Variants in TENM3 observed in about 807,000 individuals in gnomAD.
The protein encoded by TENM3 is teneurin-3.
In TENM3, 63 loss-of-function variants were observed where a neutral mutation model predicts 255.1. The observed-to-expected ratio is 0.25, with a 90% CI of 0.20 to 0.30. The LOEUF (loss-of-function observed/expected upper bound fraction) is 0.30, where lower values mean the gene tolerates loss of function less well. Among genes scored for constraint, TENM3 ranks in the 10% least tolerant of loss-of-function variants. TENM3 has a pLI of 1.00. For missense variants in TENM3, 2,929 were observed against 3,461.1 expected, an observed-to-expected ratio of 0.85 and a Z score of 3.86; for synonymous variants, 1,306 against 1,322.3, an observed-to-expected ratio of 0.99 and a Z score of 0.27.
chr4:181,958,344 C>A, the TENM3 span, among the ~76,000 whole-genome samples: 306 of 152,076 alleles, frequency 2.0e-3, 1 homozygote, highest in Middle Eastern at 6.8e-3. Flanking sequence ...TTTGTTTTTG[C>A]TTTTTTGGAC....
At chr4:182,186,311 G>A (rs1253443516) in intron 1 of TENM3, among the ~76,000 whole-genome samples, 2 of 151,978 alleles carry the variant, frequency 1.3e-5, no homozygotes, top group Admixed American at 6.6e-5. Context: ...GCCAAGAGAT[G>A]AAAATACTTG....
At chr4:182,466,012 A>G (rs1580649164) in intron 3 of TENM3, among the ~76,000 whole-genome samples, 1 of 152,202 alleles carries the variant, frequency 6.6e-6, no homozygotes, top group African/African-American at 2.4e-5. Flanking sequence ...GGCTGAAACC[A>G]AAGTACGTTA....
the TENM3 span, among the ~76,000 whole-genome samples, chr4:181,903,077 G>A: frequency 6.6e-6 from 1 of 152,050 alleles, no homozygotes; most frequent in Non-Finnish European, 1.5e-5. Context: ...GTTTCCTACT[G>A]AGGAAAACAG....
At chr4:182,679,398 C>T (rs1755932380) in intron 7 of TENM3, among the ~76,000 whole-genome samples, 1 of 152,042 alleles carries the variant, frequency 6.6e-6, no homozygotes, top group African/African-American at 2.4e-5. Context: ...TTTGATCAGT[C>T]AGTAGAATTA....
the TENM3 span, among the ~76,000 whole-genome samples, chr4:181,900,360 G>A: frequency 6.6e-6 from 1 of 151,998 alleles, no homozygotes; most frequent in East Asian, 1.9e-4. Context: ...AAAACTTAAA[G>A]GAAAGTAAAT....
In TENM3 at chr4:182,619,582, A is replaced by G. The variant is rs1389374219; in HGVS notation, c.750-9069A>G. Among the ~76,000 whole-genome samples, 3 of 152,206 alleles carry G rather than the reference A, an allele frequency of 2.0e-5. No individual in the cohort carries two copies. In the East Asian group the frequency reaches 5.8e-4, roughly 29 times the overall value. ...TAACGTAGAGTCATCCTTCCTATAT[A>G]TGTTTTAGTTTCTACATAGCATTAC... On this transcript the variant is annotated intron_variant, in intron 4 of 27. Coordinates refer to ENST00000511685, the MANE Select transcript of TENM3 (RefSeq NM_001080477.4).
chr4:181,784,307 T>G, the TENM3 span, among the ~76,000 whole-genome samples: 2 of 152,116 alleles, frequency 1.3e-5, no homozygotes, highest in Non-Finnish European at 2.9e-5. Context: ...TTTCAGTATC[T>G]ATGAAAATGA....
chr4:182,355,261 A>G (rs1765443353), intron 3 of TENM3, among the ~76,000 whole-genome samples: 1 of 152,196 alleles, frequency 6.6e-6, no homozygotes, highest in African/African-American at 2.4e-5. Context: ...ATGCTCCAAA[A>G]GCCACAAGGA....
rs867236545 is a variant in TENM3 at position 182,161,848 on chromosome 4, C to T, written c.-76+17094C>T. Among the ~76,000 whole-genome samples, 25 of 51,352 alleles carry T rather than the reference C, an allele frequency of 4.9e-4. 3 individuals are homozygous for T. Among genetic ancestry groups the T allele is most frequent in the African/African-American group, 1.2e-3 (19 of 15,566 alleles). 33.7% of individuals were successfully genotyped at this position (51,352 alleles called of 152,430 possible). ...ATACACATATATATGTGTATATATA[C>T]ACAAATATATATGTGTATATATGTG... On this transcript the variant is annotated intron_variant, in intron 1 of 2. Transcript: ENST00000512480.
At chr4:182,424,225 T>A (rs1332451089) in intron 3 of TENM3, among the ~76,000 whole-genome samples, 1 of 152,206 alleles carries the variant, frequency 6.6e-6, no homozygotes, top group Non-Finnish European at 1.5e-5. Context: ...CACATACACA[T>A]TAAAATTAGC....
the TENM3 span, among the ~76,000 whole-genome samples, chr4:181,974,138 G>A: frequency 1.3e-5 from 2 of 152,208 alleles, no homozygotes; most frequent in Non-Finnish European, 2.9e-5. Flanking sequence ...CCTGCATGCG[G>A]AAGAAATGGC....
At chr4:181,643,198 T>C in the TENM3 span, among the ~76,000 whole-genome samples, 1 of 152,198 alleles carries the variant, frequency 6.6e-6, no homozygotes, top group Non-Finnish European at 1.5e-5. Context: ...TGAGCAGTGG[T>C]TTGTAGTTCT....
At chr4:181,591,539 C>T in the TENM3 span, among the ~76,000 whole-genome samples, 1 of 152,142 alleles carries the variant, frequency 6.6e-6, no homozygotes, top group African/African-American at 2.4e-5. Flanking sequence ...CAGGGGTCTC[C>T]AACACCCAAG....
At chr4:182,041,442 A>T in the TENM3 span, among the ~76,000 whole-genome samples, 1 of 152,238 alleles carries the variant, frequency 6.6e-6, no homozygotes. Context: ...CTCTATGTGA[A>T]CACATAAAAT....
chr4:182,590,285 G>A (rs943784938), intron 3 of TENM3, among the ~76,000 whole-genome samples: 8 of 151,898 alleles, frequency 5.3e-5, no homozygotes, highest in South Asian at 4.1e-4. Context: ...GGGTCCAGGC[G>A]TTATCTAGGA....
the TENM3 span, among the ~76,000 whole-genome samples, chr4:181,685,572 A>T: frequency 6.6e-6 from 1 of 152,218 alleles, no homozygotes; most frequent in Non-Finnish European, 1.5e-5. Flanking sequence ...CAAGATGGCT[A>T]GGAGTTTTCA....
intron 3 of TENM3, among the ~76,000 whole-genome samples, chr4:182,475,686 A>G (rs1240139877): frequency 6.6e-6 from 1 of 152,222 alleles, no homozygotes; most frequent in Non-Finnish European, 1.5e-5. Flanking sequence ...TAACTTGTGA[A>G]AATGACAAGT....
At chr4:181,992,487 A>G in the TENM3 span, among the ~76,000 whole-genome samples, 1 of 152,170 alleles carries the variant, frequency 6.6e-6, no homozygotes, top group Admixed American at 6.5e-5. Context: ...GCCAACTGAT[A>G]GATGCAATGT....
At chr4:182,688,979 C>T (rs554319300) in intron 12 of TENM3, among the ~76,000 whole-genome samples, 2 of 152,252 alleles carry the variant, frequency 1.3e-5, no homozygotes, top group South Asian at 4.2e-4. Context: ...ATAGATGTTT[C>T]AGATCAAAAC....
Sources: gnomAD v4.1 joint callset for allele counts (sites outside exome capture counted in the v4.1 genomes callset) on GRCh38, gnomAD v4.1.1 for gene constraint, MANE v1.5 for transcripts, NCBI Gene and HGNC (gene_info 2026-07-23, HGNC 2026-07-21) for gene names.